Variants in ZDHHC17 observed in about 807,000 individuals in gnomAD.
ZDHHC17 encodes the protein palmitoyltransferase ZDHHC17.
In ZDHHC17, 40 loss-of-function variants were observed where a neutral mutation model predicts 90.3. That is an observed-to-expected ratio of 0.44 (90% CI 0.34 to 0.58). The LOEUF is 0.58. Among genes scored for constraint, ZDHHC17 ranks in the 20% least tolerant of loss-of-function variants. ZDHHC17 has a pLI of 0.01. For synonymous variants in ZDHHC17, 235 were observed against 252.4 expected, an observed-to-expected ratio of 0.93 and a Z score of 0.65; for missense variants, 614 against 780.8, an observed-to-expected ratio of 0.79 and a Z score of 2.55.
chr12:76,806,202 C>G (rs1443542894), intron 3 of ZDHHC17, among the ~76,000 whole-genome samples: 4 of 152,064 alleles, frequency 2.6e-5, no homozygotes, highest in Non-Finnish European at 5.9e-5. Context: ...TCAAGCGATC[C>G]TCCCACCTCA....
At chr12:76,822,338 C>G in intron 7 of ZDHHC17, 68 bp from the exon 8 acceptor site, 1 of 1,569,746 alleles carries the variant, frequency 6.4e-7, no homozygotes, top group Non-Finnish European at 8.7e-7. Flanking sequence ...TATAGAAGTT[C>G]TTTAAAGGTA....
rs1020918240 is a variant in ZDHHC17, at chr12:76,853,209, T to C, written c.*2224T>C. 1.2e-4 allele frequency: 19 copies of C among 152,240 alleles called. No homozygotes were observed. The highest frequency in any genetic ancestry group is 4.3e-4 in the African/African-American group (18 of 41,464). 9.4% of individuals were successfully genotyped at this position (152,240 alleles called of 1,614,324 possible). A position where few individuals can be genotyped will look rare whatever the true frequency, so the allele number is the denominator to read the frequency against. ...TGTAGTAACCATCTTGTAGTACCTG[T>C]GAAATCTATAACTCAGAAATGGTCA... On this transcript the variant is annotated 3_prime_UTR_variant, in exon 17 of 17. Coordinates refer to ENST00000426126, the MANE Select transcript of ZDHHC17 (RefSeq NM_015336.4).
At chr12:76,816,141 T>A (rs1462255347) in intron 7 of ZDHHC17, 122 bp downstream of exon 7, 15 of 657,380 alleles carry the variant, frequency 2.3e-5, no homozygotes, top group Non-Finnish European at 3.5e-5. Flanking sequence ...AGGTTTACAG[T>A]TAAACCACAT....
intron 7 of ZDHHC17, among the ~76,000 whole-genome samples, chr12:76,819,001 G>T (rs1953126201): frequency 6.6e-6 from 1 of 152,214 alleles, no homozygotes; most frequent in African/African-American, 2.4e-5. Flanking sequence ...CTTAGCCTAG[G>T]ATCAGAGGAG....
intron 2 of ZDHHC17, among the ~76,000 whole-genome samples, chr12:76,802,359 C>T (rs567075958): frequency 6.6e-6 from 1 of 152,306 alleles, no homozygotes; most frequent in South Asian, 2.1e-4. Context: ...GCCTCTCTCT[C>T]GTTCCTTTCA....
chr12:76,820,071 A>G (rs1953144337), intron 7 of ZDHHC17, among the ~76,000 whole-genome samples: 1 of 151,810 alleles, frequency 6.6e-6, no homozygotes, highest in South Asian at 2.1e-4. Flanking sequence ...CTCTGGAAGG[A>G]TCAGGAATAG....
At chr12:76,798,726 A>G (rs951413310) in intron 2 of ZDHHC17, among the ~76,000 whole-genome samples, 2 of 152,204 alleles carry the variant, frequency 1.3e-5, no homozygotes, top group Admixed American at 6.5e-5. Context: ...AAACTTTACA[A>G]TCATGGTGGG....
chr12:76,813,793 C>T (rs1953052617), intron 5 of ZDHHC17, among the ~76,000 whole-genome samples: 1 of 152,024 alleles, frequency 6.6e-6, no homozygotes, highest in African/African-American at 2.4e-5. Flanking sequence ...ATGCTTTGCA[C>T]ACATTATTTA....
chr12:76,802,361 T>A (rs1952901628), intron 2 of ZDHHC17, among the ~76,000 whole-genome samples: 1 of 152,228 alleles, frequency 6.6e-6, no homozygotes, highest in Non-Finnish European at 1.5e-5. Context: ...CTCTCTCTCG[T>A]TCCTTTCAAG....
chr12:76,836,209 T>A (rs930294439), intron 10 of ZDHHC17, among the ~76,000 whole-genome samples: 1 of 152,014 alleles, frequency 6.6e-6, no homozygotes, highest in African/African-American at 2.4e-5. Flanking sequence ...TCTTTTTTTA[T>A]GTTCTTTGAA....
Position 76,815,926 on chromosome 12 carries a change from C to G in ZDHHC17, c.678C>G (p.Asn226Lys). ...ACCTTGGTGACAAGTATCACAAAAA[C>G]ACTGCTCTGCATTGGGCAGTGCTAG... ...SVNLGDKYHK[N>K]TALHWAVLAG... is the part of the protein sequence containing the mutation. The change falls in exon 7 of 17, where the codon AAC (asparagine) becomes AAG (lysine). Residue 226 changes from asparagine to lysine, a missense_variant. Coordinates refer to ENST00000426126, the MANE Select transcript of ZDHHC17 (RefSeq NM_015336.4). The G allele has an allele frequency of 6.4e-7, 1 of 1,569,014 alleles. No individual in the cohort carries two copies. The highest frequency in any genetic ancestry group is 8.7e-7 in the Non-Finnish European group (1 of 1,155,300).
chr12:76,792,115 C>G (rs1373021212), intron 1 of ZDHHC17, among the ~76,000 whole-genome samples: 1 of 152,134 alleles, frequency 6.6e-6, no homozygotes, highest in Non-Finnish European at 1.5e-5. Context: ...AATTCCAGCT[C>G]TCTAATCACT....
intron 7 of ZDHHC17, 95 bp from the exon 8 acceptor site, chr12:76,822,311 G>T: frequency 6.7e-7 from 1 of 1,486,638 alleles, no homozygotes; most frequent in African/African-American, 1.4e-5. Context: ...ACGTTAATAG[G>T]GCAGTAAATT....
intron 1 of ZDHHC17, among the ~76,000 whole-genome samples, chr12:76,776,258 A>AT (rs769221952): frequency 9.2e-5 from 14 of 152,306 alleles, no homozygotes; most frequent in Non-Finnish European, 1.8e-4. Context: ...GGTATCAGAA[A>AT]TTTAAGTTTC....
chr12:76,812,508 G>T (rs561080424), intron 5 of ZDHHC17, among the ~76,000 whole-genome samples: 9 of 152,068 alleles, frequency 5.9e-5, no homozygotes, highest in Admixed American at 5.2e-4. Flanking sequence ...AATAAAATTA[G>T]CATATTTTTA....
At chr12:76,774,085 CA>C (rs1182454913) in intron 1 of ZDHHC17, among the ~76,000 whole-genome samples, 1 of 151,634 alleles carries the variant, frequency 6.6e-6, no homozygotes, top group African/African-American at 2.4e-5. Flanking sequence ...CCTGTCTCTA[CA>C]AAAAAATAAA....
intron 1 of ZDHHC17, among the ~76,000 whole-genome samples, chr12:76,776,764 A>C (rs1236688225): frequency 6.6e-6 from 1 of 152,208 alleles, no homozygotes; most frequent in Non-Finnish European, 1.5e-5. Flanking sequence ...TAGGTAGCAC[A>C]GAATTATAGA....
At chr12:76,778,984 G>C (rs1003399845) in intron 1 of ZDHHC17, among the ~76,000 whole-genome samples, 5 of 152,106 alleles carry the variant, frequency 3.3e-5, no homozygotes, top group Non-Finnish European at 5.9e-5. Flanking sequence ...TTTTTAAAAG[G>C]ACAGTAATCA....
chr12:76,836,063 T>G (rs1022457529), intron 10 of ZDHHC17, among the ~76,000 whole-genome samples: 1 of 151,932 alleles, frequency 6.6e-6, no homozygotes, highest in African/African-American at 2.4e-5. Flanking sequence ...GTCTTATTTT[T>G]CTCTACATTG....
Sources: gnomAD v4.1 joint callset for allele counts (sites outside exome capture counted in the v4.1 genomes callset) on GRCh38, gnomAD v4.1.1 for gene constraint, MANE v1.5 for transcripts, NCBI Gene and HGNC (gene_info 2026-07-23, HGNC 2026-07-21) for gene names.